NBEA: variants seen among roughly 807,000 people sequenced by gnomAD.
The protein encoded by NBEA is lysosomal-trafficking regulator 2.
Under a neutral mutation model 343.4 loss-of-function variants are expected in NBEA, and 44 were observed. The ratio of observed to expected loss-of-function variants is 0.13; its 90% CI spans 0.10 to 0.16. NBEA has a LOEUF of 0.16. NBEA is among the 10% of genes least tolerant of loss of function. NBEA has a pLI of 1.00. For synonymous variants in NBEA, 1,175 were observed against 1,238.7 expected (o/e 0.95, Z 1.08); for missense variants, 2,555 against 3,631.3 (o/e 0.70, Z 7.62).
chr13:35,612,297 T>A (rs541710354), intron 48 of NBEA, among the ~76,000 whole-genome samples: 1 of 152,176 alleles, frequency 6.6e-6, no homozygotes, highest in South Asian at 2.1e-4. Flanking sequence ...CACGCCCGGC[T>A]AATTTTTTGT....
At chr13:35,357,723 A>C (rs781287111) in intron 38 of NBEA, among the ~76,000 whole-genome samples, 1 of 151,994 alleles carries the variant, frequency 6.6e-6, no homozygotes, top group Non-Finnish European at 1.5e-5. Flanking sequence ...TGTTGATTTC[A>C]TGTCTTTTGA....
intron 1 of NBEA, among the ~76,000 whole-genome samples, chr13:34,992,262 ATT>A (rs1261240105): frequency 9.9e-4 from 113 of 114,314 alleles, no homozygotes; most frequent in African/African-American, 3.4e-3. Context: ...ATATATATAT[ATT>A]TTTTTTTTTA....
Position 35,284,017 on chromosome 13 carries a change from A to AC in NBEA, c.5777-6371dup, listed in dbSNP as rs1555355353. Among the ~76,000 whole-genome samples, 643 of 142,144 alleles carry AC rather than the reference A, an allele frequency of 4.5e-3. 2 individuals are homozygous for AC. The highest frequency in any genetic ancestry group is 0.011 in the East Asian group (53 of 4,942). 93.3% of individuals were successfully genotyped at this position (142,144 alleles called of 152,430 possible). A position where few individuals can be genotyped will look rare whatever the true frequency, so the allele number is the denominator to read the frequency against. ...ACACACACACACACACACACACACC[A>AC]CACAGATGCATGTACACACACATCT... On this transcript the variant is annotated intron_variant, in intron 34 of 58. Coordinates refer to ENST00000379939, the MANE Select transcript of NBEA (RefSeq NM_001385012.1).
chr13:35,241,157 T>C (rs181339946), intron 34 of NBEA, among the ~76,000 whole-genome samples: 2 of 151,954 alleles, frequency 1.3e-5, no homozygotes, highest in Non-Finnish European at 3.0e-5. Flanking sequence ...CTGAGCAGAA[T>C]AAAGGGATGA....
chr13:35,282,453 T>C (rs2035117938), intron 34 of NBEA, among the ~76,000 whole-genome samples: 2 of 152,150 alleles, frequency 1.3e-5, no homozygotes, highest in African/African-American at 4.8e-5. Context: ...AGAATTTAAT[T>C]AAGGCTTTTG....
At chr13:35,045,941 G>A (rs1028154330) in intron 4 of NBEA, among the ~76,000 whole-genome samples, 1 of 151,980 alleles carries the variant, frequency 6.6e-6, no homozygotes, top group African/African-American at 2.4e-5. Context: ...TGGCCAGGCT[G>A]CTCTCAAACT....
At chr13:35,307,611 A>C (rs562294349) in intron 35 of NBEA, among the ~76,000 whole-genome samples, 27 of 152,110 alleles carry the variant, frequency 1.8e-4, no homozygotes, top group Non-Finnish European at 3.5e-4. Context: ...TTAGAAGTTT[A>C]TGGTGACTAA....
At chr13:35,368,562 T>C (rs924780394) in intron 38 of NBEA, among the ~76,000 whole-genome samples, 2 of 151,662 alleles carry the variant, frequency 1.3e-5, no homozygotes, top group Non-Finnish European at 3.0e-5. Context: ...TCAAAAATTA[T>C]TTGTTTTTAT....
rs75476195 is a variant in NBEA at position 35,380,907 on chromosome 13, G to A, written c.6179+28584G>A. ...ATATTAGTCATAGGTTGTTTGTTTC[G>A]TTTTGCTTTTTTATAGATACTTTTT... On this transcript the variant is annotated intron_variant, in intron 38 of 58. Transcript: ENST00000379939. 3.1e-3 allele frequency among the ~76,000 whole-genome samples: 471 copies of A among 152,090 alleles called. 22 individuals carry two copies. In the East Asian group the frequency reaches 0.075, roughly 24 times the overall value.
chr13:35,443,794 A>G (rs904261953), intron 39 of NBEA, among the ~76,000 whole-genome samples: 96 of 152,114 alleles, frequency 6.3e-4, no homozygotes, highest in African/African-American at 2.3e-3. Flanking sequence ...TTTATTCAGT[A>G]TCACTAACAG....
intron 6 of NBEA, among the ~76,000 whole-genome samples, chr13:35,053,485 C>T (rs1188137703): frequency 6.6e-6 from 1 of 151,820 alleles, no homozygotes; most frequent in African/African-American, 2.4e-5. Flanking sequence ...TTTGTCTTTC[C>T]TTCCCAGTTA....
chr13:35,200,458 C>CAAA (rs5802754), intron 31 of NBEA, among the ~76,000 whole-genome samples: 277 of 137,142 alleles, frequency 2.0e-3, no homozygotes, highest in Middle Eastern at 7.6e-3. Flanking sequence ...GAACAAAAGA[C>CAAA]AAAAAAAAAA....
chr13:34,976,573 T>TA (rs1395865607), intron 1 of NBEA, among the ~76,000 whole-genome samples: 2 of 151,708 alleles, frequency 1.3e-5, no homozygotes, highest in East Asian at 3.9e-4. Context: ...CCTATTGAAA[T>TA]AAAAAATTTA....
At chr13:35,492,541 C>T (rs1354973845) in intron 41 of NBEA, among the ~76,000 whole-genome samples, 1 of 151,874 alleles carries the variant, frequency 6.6e-6, no homozygotes, top group East Asian at 1.9e-4. Flanking sequence ...GAAATGGTAT[C>T]ATTGTCTTGA....
chr13:35,411,737 A>G (rs527623476), intron 38 of NBEA, among the ~76,000 whole-genome samples: 2 of 151,964 alleles, frequency 1.3e-5, no homozygotes, highest in African/African-American at 2.4e-5. Context: ...GGCTCAAGCA[A>G]TCCTCCCATC....
intron 38 of NBEA, among the ~76,000 whole-genome samples, chr13:35,424,093 C>G (rs938299132): frequency 2.6e-5 from 4 of 152,178 alleles, no homozygotes; most frequent in African/African-American, 9.7e-5. Flanking sequence ...ATGTCATCTA[C>G]AAACAGGGAC....
chr13:35,390,654 A>G (rs1358566242), intron 38 of NBEA, among the ~76,000 whole-genome samples: 1 of 152,210 alleles, frequency 6.6e-6, no homozygotes, highest in Non-Finnish European at 1.5e-5. Flanking sequence ...TTTAGAGATT[A>G]TACACTTTCT....
intron 30 of NBEA, chr13:35,186,792 T>C (rs1349237384): frequency 6.6e-6 from 1 of 152,260 alleles, no homozygotes; most frequent in African/African-American, 2.4e-5. Flanking sequence ...TGTTGTGTAA[T>C]GAAGAAAAGT....
At chr13:35,104,089 G>A (rs2065792789) in intron 11 of NBEA, among the ~76,000 whole-genome samples, 1 of 151,612 alleles carries the variant, frequency 6.6e-6, no homozygotes, top group Admixed American at 6.6e-5. Flanking sequence ...AGGTCTTTTT[G>A]CCTTTTCCTT....
Sources: allele counts gnomAD v4.1 joint callset (sites outside exome capture counted in the v4.1 genomes callset), GRCh38; gene constraint gnomAD v4.1.1; transcripts MANE v1.5; gene names NCBI Gene and HGNC (gene_info 2026-07-23, HGNC 2026-07-21).